The following NDUFS2 variants were observed in gnomAD, a reference collection of about 807,000 sequenced individuals.
NDUFS2 encodes the protein NADH:ubiquinone oxidoreductase core subunit S2, also known as NADH dehydrogenase [ubiquinone] iron-sulfur protein 2, mitochondrial.
A neutral mutation model predicts 69.6 loss-of-function variants in NDUFS2; 38 were observed. That is an observed-to-expected ratio of 0.55 (90% CI 0.42 to 0.72). The LOEUF is 0.72. Among genes scored for constraint, NDUFS2 ranks in the 30% least tolerant of loss-of-function variants. The pLI, the probability that NDUFS2 is intolerant of heterozygous loss-of-function variation, is 0.00. For synonymous variants in NDUFS2, 194 were observed against 211.2 expected (o/e 0.92, Z 0.70); for missense variants, 468 against 595.0 (o/e 0.79, Z 2.22).
intron 10 of NDUFS2, among the ~76,000 whole-genome samples, chr1:161,212,882 G>A (rs10797094): frequency 0.62 from 94,732 of 151,928 alleles, 29,958 homozygotes; most frequent in East Asian, 0.89. Flanking sequence ...AATTTACTGT[G>A]TAGTAAGAGA....
Position 161,214,219 on chromosome 1 carries a change from C to T in NDUFS2, c.*26C>T. On this transcript the variant is annotated 3_prime_UTR_variant, in exon 14 of 14. Transcript: ENST00000676972. ...GCAGGGGAGCAGCGTTTGATCCCCCCTGCCTATCAGCTTCTTCTGTGGAGC... is the reference window on the plus strand; with the variant it reads ...GCAGGGGAGCAGCGTTTGATCCCCCTTGCCTATCAGCTTCTTCTGTGGAGC... The T allele has an allele frequency of 1.3e-6, 2 of 1,597,854 alleles. No individual in the cohort carries two copies. Among genetic ancestry groups the T allele is most frequent in the Non-Finnish European group, 1.7e-6 (2 of 1,165,574 alleles).
In NDUFS2 at chr1:161,206,601, T is replaced by TG. The variant is rs1665479418; in HGVS notation, c.393+10dup. 3.7e-6 allele frequency: 6 copies of TG among 1,612,672 alleles called. 1 individual carries two copies. Among genetic ancestry groups the TG allele is most frequent in the South Asian group, 2.2e-5 (2 of 91,008 alleles). On this transcript the variant is annotated splice_donor_region_variant and intron_variant, in intron 3 of 13. Coordinates refer to ENST00000676972, the MANE Select transcript of NDUFS2 (RefSeq NM_001377299.1). ...TGAATACAAGACCTATCTTCAGGTG[T>TG]GGGGGGTGAACAGGAGCCTTTTGGC...
chr1:161,210,425 G>C, intron 8 of NDUFS2, 36 bp downstream of exon 8: 2 of 1,604,928 alleles, frequency 1.2e-6, no homozygotes, highest in Non-Finnish European at 1.7e-6. Context: ...TAGGAGTGGG[G>C]GTGGGAGTGG....
chr1:161,199,784 C>A (rs1050562802), upstream of NDUFS2, among the ~76,000 whole-genome samples: 1 of 151,966 alleles, frequency 6.6e-6, no homozygotes, highest in Non-Finnish European at 1.5e-5. Flanking sequence ...TCTTTTCTAA[C>A]GTCCCTTCTC....
intron 9 of NDUFS2, 62 bp downstream of exon 9, chr1:161,210,772 T>C: frequency 6.2e-7 from 1 of 1,611,560 alleles, no homozygotes. Flanking sequence ...CACTCTTCTC[T>C]TTGCCACTTC....
chr1:161,201,567 G>C (rs1020852310), upstream of NDUFS2, among the ~76,000 whole-genome samples: 3 of 152,244 alleles, frequency 2.0e-5, no homozygotes, highest in African/African-American at 7.2e-5. Flanking sequence ...CCATTACCCA[G>C]GAGGGCTATA....
intron 4 of NDUFS2, 84 bp downstream of exon 4, chr1:161,209,397 A>G (rs1281363782): frequency 3.7e-6 from 6 of 1,609,586 alleles, no homozygotes; most frequent in Non-Finnish European, 5.1e-6. Context: ...ACCCAAGCTT[A>G]GTGTTCAGAC....
upstream of NDUFS2, among the ~76,000 whole-genome samples, chr1:161,197,820 G>A (rs1481427142): frequency 6.6e-6 from 1 of 152,090 alleles, no homozygotes; most frequent in Non-Finnish European, 1.5e-5. Flanking sequence ...GAAGGGTGAA[G>A]GGGAGAGGCC....
chr1:161,209,945 C>G lies in NDUFS2; in HGVS notation c.702+14C>G. The G allele has an allele frequency of 6.2e-7, 1 of 1,613,804 alleles. No individual in the cohort carries two copies. The highest frequency in any genetic ancestry group is 8.5e-7 in the Non-Finnish European group (1 of 1,179,894). On this transcript the variant is annotated intron_variant, in intron 6 of 13. Coordinates refer to ENST00000676972, the MANE Select transcript of NDUFS2 (RefSeq NM_001377299.1). ...GGAGTGCACCAGGTGAGCAGGTCCC[C>G]GGCTTCCCCAAATGTCCAGCCCAGG...
intron 5 of NDUFS2, 75 bp downstream of exon 5, chr1:161,209,670 T>C: frequency 7.5e-7 from 1 of 1,337,784 alleles, no homozygotes; most frequent in Non-Finnish European, 1.0e-6. Flanking sequence ...AGACAGGAGA[T>C]TAAAAGAAGA....
chr1:161,206,386 G>C, intron 2 of NDUFS2, 21 bp from the exon 3 acceptor site: 1 of 1,613,696 alleles, frequency 6.2e-7, no homozygotes, highest in Non-Finnish European at 8.5e-7. Flanking sequence ...ATGTGGCTCT[G>C]AACTATTTCT....
chr1:161,210,595 G>T lies in NDUFS2; in HGVS notation c.871G>T (p.Val291Leu). 6.2e-7 allele frequency: 1 copy of T among 1,614,144 alleles called. No homozygotes were observed. The highest frequency in any genetic ancestry group is 8.5e-7 in the Non-Finnish European group (1 of 1,180,014). ...TTCCCATTATGCTCTCCACAGTGGA[G>T]TGATGCTTCGGGGCTCAGGCATCCA... ...EEALNYGFSG[V>L]MLRGSGIQWD... The change falls in exon 9 of 14, where the codon GTG (valine) becomes TTG (leucine). Residue 291 changes from valine (V) to leucine (L), a missense_variant. By Grantham distance (32) the Val-to-Leu change is conservative. Around this residue, in one of 3 missense-constraint regions of NDUFS2, gnomAD observed 339 missense variants for 433.8 expected, o/e 0.78. Transcript: ENST00000676972.
Position 161,214,269 on chromosome 1 carries a change from C to CTGTGTGTGTGTGTGTGTGTGTGTG in NDUFS2, c.*84_*107dup. The CTGTGTGTGTGTGTGTGTGTGTGTG allele has an allele frequency of 1.2e-6, 1 of 848,148 alleles. No homozygotes were observed. The highest frequency in any genetic ancestry group is 1.7e-5 in the African/African-American group (1 of 58,048). 52.5% of individuals were successfully genotyped at this position (848,148 alleles called of 1,614,324 possible). A position where few individuals can be genotyped will look rare whatever the true frequency, so the allele number is the denominator to read the frequency against. ...CCTGTTCCTCACTGGAAATTGGCCTCTGTGTGTGTGTGTGTGTGTGTGTGT... is the reference window on the plus strand; with the variant it reads ...CCTGTTCCTCACTGGAAATTGGCCTCTGTGTGTGTGTGTGTGTGTGTGTGTGTGTGTGTGTGTGTGTGTGTGTGT... On this transcript the variant is annotated 3_prime_UTR_variant, in exon 14 of 14. Transcript: ENST00000676972.
chr1:161,204,715 A>T (rs1665360099), intron 2 of NDUFS2, among the ~76,000 whole-genome samples: 1 of 152,186 alleles, frequency 6.6e-6, no homozygotes, highest in Non-Finnish European at 1.5e-5. Context: ...AATCTTTACA[A>T]CAGCTCTATG....
Position 161,212,522 on chromosome 1 carries a change from G to A in NDUFS2, c.1116+42G>A, listed in dbSNP as rs1665829018. 3.7e-6 allele frequency: 6 copies of A among 1,605,356 alleles called. No individual in the cohort carries two copies. The African/African-American group carries it at 5.3e-5, about 14-fold the overall frequency. On this transcript the variant is annotated intron_variant, in intron 10 of 13. Transcript: ENST00000676972. ...GGGAAAGTGTGGGGTGTTGGAAAGG[G>A]GCCAGTGGCTGGGGAGGAGTATCCT...
In NDUFS2 at chr1:161,213,360, T is replaced by C. The variant is rs1665876390; in HGVS notation, c.1117-20T>C. The C allele has an allele frequency of 1.3e-6, 2 of 1,551,210 alleles. No individual in the cohort carries two copies. The highest frequency in any genetic ancestry group is 1.8e-6 in the Non-Finnish European group (2 of 1,126,046). ...GAGTTTGGATATGGTTTATTGATGCTCCCTGTTTCCTCTCTTCAGACTTCC... is the reference window on the plus strand; with the variant it reads ...GAGTTTGGATATGGTTTATTGATGCCCCCTGTTTCCTCTCTTCAGACTTCC... On this transcript the variant is annotated intron_variant, in intron 10 of 13. Coordinates refer to ENST00000676972, the MANE Select transcript of NDUFS2 (RefSeq NM_001377299.1).
rs766317021 is a variant in NDUFS2 at position 161,209,249 on chromosome 1, C to T, written c.450C>T (p.Ala150=). 35 of 1,614,060 alleles carry T rather than the reference C, an allele frequency of 2.2e-5. No individual in the cohort carries two copies. In the South Asian group the frequency reaches 2.5e-4, roughly 12 times the overall value. Residue 150 remains alanine (A), a synonymous_variant, in exon 4 of 14, where the codon GCC becomes GCT. Coordinates refer to ENST00000676972, the MANE Select transcript of NDUFS2 (RefSeq NM_001377299.1). ...DYVSMMCNEQ[A]YSLAVEKLLN... ...TGTCCATGATGTGTAACGAACAGGCCTATTCTCTAGCTGTGGAGAAGTTGC... is the reference window on the plus strand; with the variant it reads ...TGTCCATGATGTGTAACGAACAGGCTTATTCTCTAGCTGTGGAGAAGTTGC...
chr1:161,213,323 G>A, intron 10 of NDUFS2, 57 bp from the exon 11 acceptor site: 2 of 1,139,562 alleles, frequency 1.8e-6, no homozygotes, highest in Non-Finnish European at 2.6e-6. Context: ...GCTGGGGGAG[G>A]CCTAGGAGAC....
At chr1:161,208,945 T>C (rs1024507227) in intron 3 of NDUFS2, among the ~76,000 whole-genome samples, 3 of 152,210 alleles carry the variant, frequency 2.0e-5, no homozygotes, top group Non-Finnish European at 4.4e-5. Context: ...TGTGGGAGTA[T>C]TTTTACCATG....
Sources: gnomAD v4.1 joint callset for allele counts (sites outside exome capture counted in the v4.1 genomes callset) on GRCh38, gnomAD v4.1.1 for gene constraint, gnomAD v4.1.1 regional missense constraint, MANE v1.5 for transcripts, NCBI Gene and HGNC (gene_info 2026-07-23, HGNC 2026-07-21) for gene names.